Variants in POLA1 observed in about 807,000 individuals in gnomAD.
POLA1 encodes the protein DNA polymerase alpha 1, catalytic subunit.
Under a neutral mutation model 124.0 loss-of-function variants are expected in POLA1, and 15 were observed. The observed-to-expected ratio is 0.12, with a 90% CI of 0.08 to 0.19. The LOEUF (loss-of-function observed/expected upper bound fraction) is 0.19, where lower values mean the gene tolerates loss of function less well. POLA1 is among the 10% of genes least tolerant of loss of function. POLA1 has a pLI of 1.00. For synonymous variants in POLA1, 408 were observed against 389.4 expected (o/e 1.05, Z -0.56); for missense variants, 886 against 1,103.4 (o/e 0.80, Z 2.79).
intron 34 of POLA1, among the ~76,000 whole-genome samples, chrX:24,866,730 A>C (rs2046799374): frequency 8.9e-6 from 1 of 112,388 alleles, no homozygotes; most frequent in Non-Finnish European, 1.9e-5. Flanking sequence ...AAGCAAAAGC[A>C]CTTTTATGCT....
At chrX:24,916,234 G>A in intron 35 of POLA1, among the ~76,000 whole-genome samples, 1 of 110,531 alleles carries the variant, frequency 9.0e-6, no homozygotes. Flanking sequence ...TAAATATGTT[G>A]AGGCTAGAAT....
intron 4 of POLA1, among the ~76,000 whole-genome samples, chrX:24,713,419 T>G (rs1278197434): frequency 9.0e-6 from 1 of 111,576 alleles, no homozygotes; most frequent in Admixed American, 9.4e-5. Context: ...AAGTTTTGTT[T>G]GTTTTTTTTC....
At chrX:24,978,614 C>G (rs927681340) in intron 36 of POLA1, among the ~76,000 whole-genome samples, 2 of 112,003 alleles carry the variant, frequency 1.8e-5, no homozygotes, top group African/African-American at 6.5e-5. Context: ...GAAGTAGGTA[C>G]TGCTGTTGTC....
At chrX:24,955,317 C>T (rs763202202) in intron 36 of POLA1, among the ~76,000 whole-genome samples, 1 of 108,436 alleles carries the variant, frequency 9.2e-6, no homozygotes, top group East Asian at 2.9e-4. Context: ...GTGTGTACTG[C>T]CACCCGCCCA....
intron 35 of POLA1, among the ~76,000 whole-genome samples, chrX:24,897,985 G>A (rs942184332): frequency 2.7e-5 from 3 of 112,370 alleles, no homozygotes; most frequent in African/African-American, 9.7e-5. Context: ...GAAAGAGATT[G>A]ACTATTATTG....
chrX:24,793,616 G>A (rs1320227717), intron 26 of POLA1, among the ~76,000 whole-genome samples: 4 of 110,947 alleles, frequency 3.6e-5, no homozygotes, highest in Non-Finnish European at 3.8e-5. Context: ...ACAGAATCTC[G>A]CTCTGTTGCC....
At chrX:24,864,272 G>A (rs1174024627) in intron 34 of POLA1, among the ~76,000 whole-genome samples, 2 of 111,463 alleles carry the variant, frequency 1.8e-5, no homozygotes, top group Non-Finnish European at 3.8e-5. Flanking sequence ...GTGAGCCACC[G>A]CACCTGGCTG....
intron 26 of POLA1, among the ~76,000 whole-genome samples, chrX:24,754,904 A>G (rs1338989942): frequency 1.8e-5 from 2 of 112,749 alleles, no homozygotes; most frequent in Non-Finnish European, 3.7e-5. Context: ...CTATTGTATA[A>G]TATTTCGATG....
chrX:24,857,410 T>C (rs760305642), intron 34 of POLA1, among the ~76,000 whole-genome samples: 1 of 112,107 alleles, frequency 8.9e-6, no homozygotes, highest in African/African-American at 3.2e-5. Flanking sequence ...TGCCTTTCCA[T>C]ATAAATTTTA....
chrX:24,719,038 G>A (rs1930032983), intron 10 of POLA1, among the ~76,000 whole-genome samples: 1 of 111,850 alleles, frequency 8.9e-6, no homozygotes, highest in South Asian at 3.8e-4. Flanking sequence ...TGCATTGCAA[G>A]ATCTGTCAGA....
intron 26 of POLA1, among the ~76,000 whole-genome samples, chrX:24,753,125 T>C (rs1157146714): frequency 1.8e-5 from 2 of 108,387 alleles, no homozygotes; most frequent in African/African-American, 6.7e-5. Flanking sequence ...CATTCTACTC[T>C]CCCTCAGCCT....
intron 10 of POLA1, among the ~76,000 whole-genome samples, chrX:24,720,990 T>G (rs1930169308): frequency 8.9e-6 from 1 of 112,812 alleles, no homozygotes; most frequent in African/African-American, 3.2e-5. Flanking sequence ...TTTCAACTAG[T>G]GCTGGTCTGT....
At position 24,947,246 on chromosome X, in the gene POLA1, C is replaced by CTTTTTTTTTTTT. The variant is rs764618354; in HGVS notation, c.4261+16725_4261+16736dup. 1.9e-4 allele frequency among the ~76,000 whole-genome samples: 4 copies of CTTTTTTTTTTTT among 21,620 alleles called. 2 individuals are homozygous for CTTTTTTTTTTTT. Among genetic ancestry groups the CTTTTTTTTTTTT allele is most frequent in the Non-Finnish European group, 1.7e-4 (2 of 11,987 alleles). 18.8% of individuals were successfully genotyped at this position (21,620 alleles called of 115,157 possible). A position where few individuals can be genotyped will look rare whatever the true frequency, so the allele number is the denominator to read the frequency against. ...CAGCTGGTTGTTTTCCCTGCAGATT[C>CTTTTTTTTTTTT]TTTTTTTTTTTTTTTTTTTTTTTTT... is the stretch of plus-strand genomic sequence containing the variant. On this transcript the variant is annotated intron_variant, in intron 36 of 36. Transcript: ENST00000379068.
intron 21 of POLA1, 80 bp from the exon 22 acceptor site, chrX:24,741,922 G>A: frequency 2.4e-6 from 2 of 825,322 alleles, no homozygotes; most frequent in Non-Finnish European, 1.7e-6. Context: ...GAGGTGCTGT[G>A]ACTAAACTTA....
chrX:24,746,609 A>G (rs1932017408), intron 24 of POLA1, among the ~76,000 whole-genome samples: 1 of 112,275 alleles, frequency 8.9e-6, no homozygotes, highest in East Asian at 2.8e-4. Flanking sequence ...TTGTAGAGCT[A>G]GGAGTGGATT....
intron 35 of POLA1, among the ~76,000 whole-genome samples, chrX:24,921,323 G>A (rs766664070): frequency 8.9e-6 from 1 of 112,217 alleles, no homozygotes; most frequent in East Asian, 2.8e-4. Context: ...TGTAGCATCG[G>A]AACTAAAACA....
chrX:24,896,066 G>A (rs2047202611), intron 35 of POLA1, among the ~76,000 whole-genome samples: 1 of 111,907 alleles, frequency 8.9e-6, no homozygotes, highest in Non-Finnish European at 1.9e-5. Flanking sequence ...AATCAATAAG[G>A]TAGGAAAGAT....
At chrX:24,986,356 A>G (rs955586247) in intron 36 of POLA1, among the ~76,000 whole-genome samples, 1 of 111,204 alleles carries the variant, frequency 9.0e-6, no homozygotes, top group Non-Finnish European at 1.9e-5. Flanking sequence ...GACAGTGGCT[A>G]TGTTAGTGAT....
At chrX:24,867,964 C>A (rs1398228981) in intron 34 of POLA1, among the ~76,000 whole-genome samples, 2 of 112,064 alleles carry the variant, frequency 1.8e-5, no homozygotes, top group South Asian at 7.5e-4. Flanking sequence ...ACACTGACTT[C>A]TAGTGTAAAA....
Sources: gnomAD v4.1 joint callset for allele counts (sites outside exome capture counted in the v4.1 genomes callset) on GRCh38, gnomAD v4.1.1 for gene constraint, MANE v1.5 for transcripts, NCBI Gene and HGNC (gene_info 2026-07-23, HGNC 2026-07-21) for gene names.